The following BMAL2 variants were observed in gnomAD, a reference collection of about 807,000 sequenced individuals.
The protein encoded by BMAL2 is basic helix-loop-helix ARNT-like protein 2.
At chr12:27,342,864 C>T in the BMAL2 span, among the ~76,000 whole-genome samples, 1 of 152,200 alleles carries the variant, frequency 6.6e-6, no homozygotes, top group South Asian at 2.1e-4. Flanking sequence ...TAGGACAATT[C>T]TCCTTTTCTT....
the BMAL2 span, chr12:27,423,655 A>C: frequency 6.6e-6 from 1 of 152,042 alleles, no homozygotes; most frequent in Non-Finnish European, 1.5e-5. Context: ...TAACCCTAAG[A>C]ATTACCACTA....
the BMAL2 span, chr12:27,403,324 T>C: frequency 1.4e-6 from 1 of 723,224 alleles, no homozygotes; most frequent in Non-Finnish European, 2.3e-6. Context: ...GTTTTCCAAC[T>C]TTTTTGGATG....
At chr12:27,405,217 A>C in the BMAL2 span, among the ~76,000 whole-genome samples, 1 of 152,238 alleles carries the variant, frequency 6.6e-6, no homozygotes, top group African/African-American at 2.4e-5. Context: ...CTGCAGACTT[A>C]AATGTCCCTG....
chr12:27,406,627 C>A, the BMAL2 span, among the ~76,000 whole-genome samples: 1 of 152,160 alleles, frequency 6.6e-6, no homozygotes, highest in Non-Finnish European at 1.5e-5. Context: ...CCAGTACCAG[C>A]CACTGCAAAA....
At chr12:27,385,249 G>C in the BMAL2 span, among the ~76,000 whole-genome samples, 1 of 152,168 alleles carries the variant, frequency 6.6e-6, no homozygotes, top group Non-Finnish European at 1.5e-5. Context: ...AGGAGGTGGA[G>C]GTTGCAGTGA....
the BMAL2 span, among the ~76,000 whole-genome samples, chr12:27,388,216 T>TA: frequency 6.6e-6 from 1 of 152,164 alleles, no homozygotes; most frequent in Admixed American, 6.5e-5. Flanking sequence ...AAGAGGCTAT[T>TA]AAGAGACTTA....
chr12:27,423,324 C>CTTTTTTTTTTTTTTTTTTTT, the BMAL2 span: 1 of 85,930 alleles, frequency 1.2e-5, no homozygotes. Flanking sequence ...CTTTTCTTTT[C>CTTTTTTTTTTTTTTTTTTTT]TTTTTTTTTT....
the BMAL2 span, among the ~76,000 whole-genome samples, chr12:27,376,120 G>A: frequency 6.6e-6 from 1 of 152,196 alleles, no homozygotes; most frequent in African/African-American, 2.4e-5. Flanking sequence ...CATAACTTTT[G>A]TTATCCTTAT....
At chr12:27,407,001 A>G in the BMAL2 span, among the ~76,000 whole-genome samples, 2 of 152,256 alleles carry the variant, frequency 1.3e-5, no homozygotes, top group Non-Finnish European at 2.9e-5. Flanking sequence ...AAAGAAGGCC[A>G]TTACATAATG....
At chr12:27,406,350 C>G in the BMAL2 span, among the ~76,000 whole-genome samples, 2,096 of 152,292 alleles carry the variant, frequency 0.014, 53 homozygotes, top group African/African-American at 0.047. Context: ...AGAGAAAGGT[C>G]AGGTTACCCA....
chr12:27,388,087 GCACACACACATGCACGCA>G, the BMAL2 span, among the ~76,000 whole-genome samples: 1 of 150,172 alleles, frequency 6.7e-6, no homozygotes, highest in East Asian at 1.9e-4. Context: ...ACCCACACAT[GCACACACACATGCACGCA>G]CACACACACA....
chr12:27,360,012 C>T, the BMAL2 span, among the ~76,000 whole-genome samples: 390 of 147,540 alleles, frequency 2.6e-3, no homozygotes, highest in Non-Finnish European at 4.9e-3. Flanking sequence ...GAGATTGTGC[C>T]GCTGCACTCC....
At chr12:27,372,599 A>G in the BMAL2 span, among the ~76,000 whole-genome samples, 1 of 152,194 alleles carries the variant, frequency 6.6e-6, no homozygotes, top group Non-Finnish European at 1.5e-5. Context: ...CAGTGGCTGT[A>G]TCATGTTACA....
the BMAL2 span, chr12:27,402,476 C>A: frequency 1.6e-6 from 1 of 613,192 alleles, no homozygotes. Context: ...ACCTTGATTT[C>A]TGGTGGTGAT....
At chr12:27,379,416 T>TA in the BMAL2 span, among the ~76,000 whole-genome samples, 17 of 152,148 alleles carry the variant, frequency 1.1e-4, 1 homozygote, top group South Asian at 1.7e-3. Flanking sequence ...TCAGGGTGAA[T>TA]AAAGAGTGAG....
chr12:27,380,233 C>G, the BMAL2 span: 1 of 1,613,042 alleles, frequency 6.2e-7, no homozygotes, highest in Non-Finnish European at 8.5e-7. Flanking sequence ...AAGGAAGTTC[C>G]TTTTCCCTCT....
At chr12:27,408,472 A>C in the BMAL2 span, among the ~76,000 whole-genome samples, 1 of 152,228 alleles carries the variant, frequency 6.6e-6, no homozygotes, top group Non-Finnish European at 1.5e-5. Flanking sequence ...CCAGCATATA[A>C]ACAGAACCAA....
the BMAL2 span, among the ~76,000 whole-genome samples, chr12:27,361,227 A>G: frequency 6.6e-6 from 1 of 152,182 alleles, no homozygotes; most frequent in African/African-American, 2.4e-5. Context: ...TCCCTTGGTT[A>G]TGACTTCCAA....
chr12:27,349,075 G>T, the BMAL2 span, among the ~76,000 whole-genome samples: 4 of 152,172 alleles, frequency 2.6e-5, no homozygotes, highest in African/African-American at 9.7e-5. Context: ...GGGAATTCCA[G>T]GCGAGGAGAA....
Sources: gnomAD v4.1 joint callset for allele counts (sites outside exome capture counted in the v4.1 genomes callset) on GRCh38, gnomAD v4.1.1 for gene constraint, MANE v1.5 for transcripts, NCBI Gene and HGNC (gene_info 2026-07-23, HGNC 2026-07-21) for gene names.